FUT2: variants seen among roughly 807,000 people sequenced by gnomAD.
The protein encoded by FUT2 is galactoside alpha-(1,2)-fucosyltransferase 2.
For missense variants in FUT2, 419 were observed against 465.8 expected, an observed-to-expected ratio of 0.90 and a Z score of 0.93; for synonymous variants, 182 against 193.1, an observed-to-expected ratio of 0.94 and a Z score of 0.48.
At chr19:48,697,219 C>T (rs1417148007) in intron 1 of FUT2, among the ~76,000 whole-genome samples, 1 of 151,776 alleles carries the variant, frequency 6.6e-6, no homozygotes, top group Non-Finnish European at 1.5e-5. Flanking sequence ...GTGGTGCATG[C>T]CTGTAATCCC....
In FUT2 at chr19:48,703,829, C is replaced by T. The variant is rs749093720; in HGVS notation, c.873C>T (p.Phe291=). Reference sequence around the variant, plus strand: ...ACACCATCATGACCATTGGGACGTTCGGGATCTGGGCCGCATACCTCACGG... The same window carrying T: ...ACACCATCATGACCATTGGGACGTTTGGGATCTGGGCCGCATACCTCACGG... The part of the protein sequence containing the change: ...CNHTIMTIGT[F]GIWAAYLTGG... Residue 291 remains phenylalanine, a synonymous_variant, in exon 2 of 2, where the codon TTC becomes TTT. Transcript: ENST00000425340. 24 of 1,613,474 alleles carry T rather than the reference C, an allele frequency of 1.5e-5. No individual in the cohort carries two copies. The highest frequency in any genetic ancestry group is 6.7e-5 in the Admixed American group (4 of 59,968).
intron 1 of FUT2, among the ~76,000 whole-genome samples, chr19:48,698,669 T>C (rs2032457181): frequency 1.3e-5 from 2 of 152,018 alleles, no homozygotes; most frequent in Admixed American, 1.3e-4. Context: ...TTCAAACTCC[T>C]GACCTCAGGT....
At position 48,703,627 on chromosome 19, in the gene FUT2, A is replaced by G; in HGVS notation, c.671A>G (p.Gln224Arg). The G allele has an allele frequency of 6.2e-7, 1 of 1,613,572 alleles. No individual in the cohort carries two copies. Residue 224 changes from glutamine to arginine, a missense_variant, in exon 2 of 2, where the codon CAG (glutamine) becomes CGG (arginine). Coordinates refer to ENST00000425340, the MANE Select transcript of FUT2 (RefSeq NM_000511.6). ...GTGGTGGCCGACCGGCGATACCTAC[A>G]GCAGGCCCTGGACTGGTTCCGAGCT... is the stretch of plus-strand genomic sequence containing the variant. Reference protein sequence around the residue: ...KGVVADRRYLQQALDWFRARY... With the variant: ...KGVVADRRYLRQALDWFRARY...
rs964589174 is a variant in FUT2, at chr19:48,704,918, G to A, written c.*930G>A. On this transcript the variant is annotated 3_prime_UTR_variant, in exon 2 of 2. Transcript: ENST00000425340. ...AGAAAATTAGGGTGGTGTTACCAAG[G>A]TGAAAAGGGGAAATGGCTTTAGAGT... The A allele has an allele frequency of 2.4e-6, 1 of 412,428 alleles. No homozygotes were observed. 25.5% of individuals were successfully genotyped at this position (412,428 alleles called of 1,614,324 possible). A position where few individuals can be genotyped will look rare whatever the true frequency, so the allele number is the denominator to read the frequency against.
intron 1 of FUT2, among the ~76,000 whole-genome samples, chr19:48,697,061 C>T (rs978175668): frequency 1.3e-5 from 2 of 151,824 alleles, no homozygotes; most frequent in Non-Finnish European, 2.9e-5. Context: ...AAGACGTGGA[C>T]GGGGCTGGAC....
At chr19:48,696,969 A>AG (rs768511016) in intron 1 of FUT2, among the ~76,000 whole-genome samples, 155 of 151,962 alleles carry the variant, frequency 1.0e-3, no homozygotes, top group Non-Finnish European at 1.8e-3. Flanking sequence ...GGAGCCCTGA[A>AG]GGGGCTGCGA....
intron 1 of FUT2, among the ~76,000 whole-genome samples, chr19:48,698,594 A>T (rs1013095972): frequency 6.6e-6 from 1 of 151,974 alleles, no homozygotes; most frequent in Admixed American, 6.5e-5. Context: ...GGCATGTGCC[A>T]CCACGCCTGG....
rs762821204 is a variant in FUT2, at chr19:48,703,673, C to T, written c.717C>T (p.Phe239=). The T allele has an allele frequency of 3.7e-6, 6 of 1,613,540 alleles. 1 individual carries two copies. Among genetic ancestry groups the T allele is most frequent in the South Asian group, 2.2e-5 (2 of 90,636 alleles). ...GAGCTCGCTACAGCTCCCTCATCTT[C>T]GTGGTCACCAGTAATGGCATGGCCT... ...WFRARYSSLI[F]VVTSNGMAWC... Residue 239 remains phenylalanine, a synonymous_variant, in exon 2 of 2, where the codon TTC becomes TTT. Coordinates refer to ENST00000425340, the MANE Select transcript of FUT2 (RefSeq NM_000511.6).
chr19:48,696,864 G>A (rs945537184), intron 1 of FUT2, among the ~76,000 whole-genome samples: 4 of 152,088 alleles, frequency 2.6e-5, no homozygotes, highest in African/African-American at 9.7e-5. Flanking sequence ...CCGGGTGAGC[G>A]GAGAGCTGGG....
chr19:48,696,651 G>A (rs1357539812), intron 1 of FUT2: 1 of 152,246 alleles, frequency 6.6e-6, no homozygotes. Context: ...TCCAAGTGAT[G>A]GCCCTACGTT....
In FUT2 at chr19:48,703,218, A is replaced by G. The variant is rs2032553866; in HGVS notation, c.262A>G (p.Met88Val). Residue 88 changes from methionine to valine, a missense_variant, in exon 2 of 2, where the codon ATG (methionine) becomes GTG (valine). By Grantham distance (21) the Met-to-Val change is conservative. Transcript: ENST00000425340. The part of the protein sequence containing the change: ...EYATLYALAK[M>V]NGRPAFIPAQ... Reference sequence around the variant, plus strand: ...CGCCACACTGTACGCCCTGGCCAAGATGAACGGGCGGCCCGCCTTCATCCC... The same window carrying G: ...CGCCACACTGTACGCCCTGGCCAAGGTGAACGGGCGGCCCGCCTTCATCCC... 4 of 1,613,304 alleles carry G rather than the reference A, an allele frequency of 2.5e-6. No individual in the cohort carries two copies. Among genetic ancestry groups the G allele is most frequent in the Non-Finnish European group, 3.4e-6 (4 of 1,180,006 alleles).
chr19:48,703,611 G>A lies in FUT2; in HGVS notation c.655G>A (p.Asp219Asn), dbSNP rs200254981. ...AAAAGTGTGGAAGGGGGTGGTGGCC[G>A]ACCGGCGATACCTACAGCAGGCCCT... is the stretch of plus-strand genomic sequence containing the variant. ...MPKVWKGVVADRRYLQQALDW... is the reference protein window; with the variant it reads ...MPKVWKGVVANRRYLQQALDW... The change falls in exon 2 of 2, where the codon GAC becomes AAC. Residue 219 changes from aspartate (D) to asparagine (N), a missense_variant. Physicochemically the swap from Asp to Asn is conservative, Grantham distance 23. Transcript: ENST00000425340. The A allele has an allele frequency of 1.7e-5, 27 of 1,613,338 alleles. No individual in the cohort carries two copies. The highest frequency in any genetic ancestry group is 3.3e-4 in the Middle Eastern group (2 of 6,084).
chr19:48,700,677 C>T (rs1005575949), intron 1 of FUT2, among the ~76,000 whole-genome samples: 9 of 152,012 alleles, frequency 5.9e-5, no homozygotes, highest in African/African-American at 2.2e-4. Flanking sequence ...AAAAGGGCTG[C>T]TACACATCCA....
chr19:48,701,409 C>G (rs1433073533), intron 1 of FUT2, among the ~76,000 whole-genome samples: 1 of 151,902 alleles, frequency 6.6e-6, no homozygotes, highest in Non-Finnish European at 1.5e-5. Context: ...CAGCTCCTGA[C>G]CTCAGCTAAT....
rs566786412 is a variant in FUT2 at position 48,703,620 on chromosome 19, T to G, written c.664T>G (p.Tyr222Asp). 6.2e-7 allele frequency: 1 copy of G among 1,613,110 alleles called. No individual in the cohort carries two copies. The highest frequency in any genetic ancestry group is 8.5e-7 in the Non-Finnish European group (1 of 1,179,916). The change falls in exon 2 of 2, where the codon TAC (tyrosine) becomes GAC (aspartate). Residue 222 changes from tyrosine (Y) to aspartate (D), a missense_variant. By Grantham distance (160) the Tyr-to-Asp change is radical. Coordinates refer to ENST00000425340, the MANE Select transcript of FUT2 (RefSeq NM_000511.6). ...VWKGVVADRR[Y>D]LQQALDWFRA... ...GAAGGGGGTGGTGGCCGACCGGCGA[T>G]ACCTACAGCAGGCCCTGGACTGGTT...
chr19:48,697,112 G>A (rs1171906725), intron 1 of FUT2, among the ~76,000 whole-genome samples: 3 of 151,872 alleles, frequency 2.0e-5, no homozygotes, highest in Admixed American at 6.6e-5. Flanking sequence ...TTGGGAGGCC[G>A]AGACAGGCGG....
At chr19:48,698,955 C>T (rs1276130847) in intron 1 of FUT2, among the ~76,000 whole-genome samples, 2 of 151,878 alleles carry the variant, frequency 1.3e-5, no homozygotes, top group Non-Finnish European at 2.9e-5. Flanking sequence ...TTGTCTCTTC[C>T]TCTGTCCCTT....
In FUT2 at chr19:48,704,112, G is replaced by A; in HGVS notation, c.*124G>A. ...CTCTTCTGTGAAGATGCGTTGGGCT[G>A]CAAGTAACAGAAATCTCAGTGAACA... On this transcript the variant is annotated 3_prime_UTR_variant, in exon 2 of 2. Transcript: ENST00000425340. The A allele has an allele frequency of 1.0e-6, 1 of 952,416 alleles. No homozygotes were observed. Among genetic ancestry groups the A allele is most frequent in the Non-Finnish European group, 1.7e-6 (1 of 598,084 alleles). 59.0% of individuals were successfully genotyped at this position (952,416 alleles called of 1,614,324 possible). A position where few individuals can be genotyped will look rare whatever the true frequency, so the allele number is the denominator to read the frequency against.
chr19:48,703,389 G>A lies in FUT2; in HGVS notation c.433G>A (p.Val145Ile), dbSNP rs370886251. 1.9e-5 allele frequency: 30 copies of A among 1,613,112 alleles called. No individual in the cohort carries two copies. The highest frequency in any genetic ancestry group is 1.7e-4 in the Middle Eastern group (1 of 6,060). The change falls in exon 2 of 2, where the codon GTC (valine) becomes ATC (isoleucine). Residue 145 changes from valine to isoleucine, a missense_variant. Coordinates refer to ENST00000425340, the MANE Select transcript of FUT2 (RefSeq NM_000511.6). ...EEYRHIPGEY[V>I]RFTGYPCSWT... is the part of the protein sequence containing the mutation. ...ATACCGCCACATCCCGGGGGAGTAC[G>A]TCCGCTTCACCGGCTACCCCTGCTC...
Sources: allele counts gnomAD v4.1 joint callset (sites outside exome capture counted in the v4.1 genomes callset), GRCh38; gene constraint gnomAD v4.1.1; transcripts MANE v1.5; gene names NCBI Gene and HGNC (gene_info 2026-07-23, HGNC 2026-07-21).